MYLK4: variants seen among roughly 807,000 people sequenced by gnomAD.
The protein encoded by MYLK4 is caMLCK like.
Under a neutral mutation model 48.1 loss-of-function variants are expected in MYLK4, and 46 were observed. The ratio of observed to expected loss-of-function variants is 0.96; its 90% CI spans 0.75 to 1.22. The LOEUF is 1.22. Among genes scored for constraint, MYLK4 ranks in the 50% most tolerant of loss-of-function variants. The pLI, the probability that MYLK4 is intolerant of heterozygous loss-of-function variation, is 0.00. For missense variants in MYLK4, 451 were observed against 486.1 expected, an observed-to-expected ratio of 0.93 and a Z score of 0.68; for synonymous variants, 170 against 180.8, an observed-to-expected ratio of 0.94 and a Z score of 0.48.
chr6:2,730,948 T>C (rs1247447340), intron 2 of MYLK4, among the ~76,000 whole-genome samples: 1 of 152,174 alleles, frequency 6.6e-6, no homozygotes, highest in Non-Finnish European at 1.5e-5. Context: ...AAACCCCTGG[T>C]TGTGGTCCAA....
chr6:2,680,029 C>T (rs1167712996), intron 8 of MYLK4, among the ~76,000 whole-genome samples, 192 bp downstream of exon 8: 2 of 152,170 alleles, frequency 1.3e-5, no homozygotes, highest in African/African-American at 2.4e-5. Context: ...ATACTTTTTA[C>T]TGCATGCATT....
At chr6:2,757,760 C>T in the MYLK4 span, among the ~76,000 whole-genome samples, 2 of 152,290 alleles carry the variant, frequency 1.3e-5, no homozygotes, top group African/African-American at 4.8e-5. Flanking sequence ...TACAGAGATC[C>T]ATAGCTAAAT....
At chr6:2,708,818 G>A (rs1762579206) in intron 2 of MYLK4, among the ~76,000 whole-genome samples, 1 of 152,104 alleles carries the variant, frequency 6.6e-6, no homozygotes, top group South Asian at 2.1e-4. Flanking sequence ...TTCTCTCATA[G>A]CCTTGAACAC....
intron 3 of MYLK4, among the ~76,000 whole-genome samples, chr6:2,690,781 T>C (rs1761751748): frequency 6.6e-6 from 1 of 151,794 alleles, no homozygotes; most frequent in South Asian, 2.1e-4. Context: ...AGAGAAATTA[T>C]TAAATTATAG....
At chr6:2,761,431 G>T in the MYLK4 span, among the ~76,000 whole-genome samples, 10 of 152,192 alleles carry the variant, frequency 6.6e-5, no homozygotes, top group African/African-American at 2.4e-4. Flanking sequence ...GAGGAGGGGT[G>T]ATTTTTGAAG....
chr6:2,716,211 T>A (rs1367943778), intron 2 of MYLK4, among the ~76,000 whole-genome samples: 1 of 152,244 alleles, frequency 6.6e-6, no homozygotes, highest in East Asian at 1.9e-4. Flanking sequence ...TCAGGACAAC[T>A]ATTTTTATGG....
chr6:2,764,756 T>C, the MYLK4 span, among the ~76,000 whole-genome samples: 1 of 152,148 alleles, frequency 6.6e-6, no homozygotes. Context: ...AAGCATCTCT[T>C]GGCTCGAAGC....
At chr6:2,726,818 G>A (rs990737823) in intron 2 of MYLK4, among the ~76,000 whole-genome samples, 4 of 151,898 alleles carry the variant, frequency 2.6e-5, no homozygotes, top group Admixed American at 2.0e-4. Context: ...TCACCATGTT[G>A]GCCAGGCTGG....
At chr6:2,700,142 G>A (rs1036198868) in intron 2 of MYLK4, among the ~76,000 whole-genome samples, 1 of 151,886 alleles carries the variant, frequency 6.6e-6, no homozygotes, top group African/African-American at 2.4e-5. Context: ...CAGAGAAAAC[G>A]CTGAGTCCTC....
At chr6:2,682,349 C>T (rs1021631932) in intron 7 of MYLK4, among the ~76,000 whole-genome samples, 12 of 128,692 alleles carry the variant, frequency 9.3e-5, no homozygotes, top group Non-Finnish European at 1.8e-4. Context: ...ACATACAGTC[C>T]GATTCTAGGA....
the MYLK4 span, chr6:2,765,826 C>T: frequency 1.2e-5 from 17 of 1,361,230 alleles, no homozygotes; most frequent in African/African-American, 9.2e-5. Flanking sequence ...CGCCGCCCGG[C>T]GCCAAGAGGC....
At chr6:2,753,427 T>A (rs984552831), upstream of MYLK4, among the ~76,000 whole-genome samples, 23 of 152,226 alleles carry the variant, frequency 1.5e-4, no homozygotes, top group African/African-American at 5.3e-4. Context: ...AAAAAGCTAC[T>A]GCATCCCTGT....
At chr6:2,734,036 G>A (rs1763569151) in intron 2 of MYLK4, among the ~76,000 whole-genome samples, 1 of 152,092 alleles carries the variant, frequency 6.6e-6, no homozygotes, top group Non-Finnish European at 1.5e-5. Flanking sequence ...ACAGACTCCA[G>A]ACACTAGTGA....
intron 2 of MYLK4, among the ~76,000 whole-genome samples, chr6:2,699,360 C>T (rs928786607): frequency 3.0e-5 from 4 of 132,916 alleles, no homozygotes; most frequent in Non-Finnish European, 4.6e-5. Context: ...GGCGCAATCT[C>T]GGTTCCCTGC....
chr6:2,749,308 C>T lies in MYLK4; in HGVS notation c.-14G>A, dbSNP rs772301671. 1.6e-5 allele frequency: 26 copies of T among 1,608,076 alleles called. No homozygotes were observed. The Admixed American group carries it at 4.4e-4, about 27-fold the overall frequency. On this transcript the variant is annotated 5_prime_UTR_variant, in exon 2 of 13. Coordinates refer to ENST00000274643, the MANE Select transcript of MYLK4 (RefSeq NM_001012418.5). ...CACTTTTAACATCTTAGTAGTGAGT[C>T]CGATTAAGCTACTTTCTGGAGTGTG... is the stretch of plus-strand genomic sequence containing the variant.
the MYLK4 span, chr6:2,766,244 C>T: frequency 7.5e-5 from 112 of 1,493,920 alleles, 1 homozygote; most frequent in East Asian, 2.2e-3. Flanking sequence ...CGGGGGCCGC[C>T]CGCACCCCCG....
the MYLK4 span, among the ~76,000 whole-genome samples, chr6:2,760,805 T>C: frequency 7.2e-5 from 11 of 152,076 alleles, no homozygotes; most frequent in African/African-American, 2.7e-4. Flanking sequence ...CTACTTACAA[T>C]AGTAAGGAAA....
At chr6:2,764,969 T>C in the MYLK4 span, among the ~76,000 whole-genome samples, 2 of 152,180 alleles carry the variant, frequency 1.3e-5, no homozygotes, top group East Asian at 1.9e-4. Context: ...CATTTCCCTT[T>C]CGTTACAAAC....
chr6:2,671,253 T>A, intron 12 of MYLK4, 23 bp downstream of exon 12: 1 of 1,533,944 alleles, frequency 6.5e-7, no homozygotes, highest in Admixed American at 1.7e-5. Context: ...CACAGACACC[T>A]CTTCAGGAGA....
Sources: gnomAD v4.1 joint callset for allele counts (sites outside exome capture counted in the v4.1 genomes callset) on GRCh38, gnomAD v4.1.1 for gene constraint, MANE v1.5 for transcripts, NCBI Gene and HGNC (gene_info 2026-07-23, HGNC 2026-07-21) for gene names.